The following FRMD4A variants were observed in gnomAD, a reference collection of about 807,000 sequenced individuals.
The protein encoded by FRMD4A is FERM domain containing 4A.
FRMD4A carries 29 observed loss-of-function variants against 129.1 expected under a neutral mutation model. The ratio of observed to expected loss-of-function variants is 0.22; its 90% CI spans 0.17 to 0.31. FRMD4A has a LOEUF of 0.31. FRMD4A is among the 10% of genes least tolerant of loss of function. FRMD4A has a pLI of 1.00. For synonymous variants in FRMD4A, 634 were observed against 571.6 expected, an observed-to-expected ratio of 1.11 and a Z score of -1.56; for missense variants, 1,272 against 1,375.8, an observed-to-expected ratio of 0.92 and a Z score of 1.19.
chr10:13,815,680 C>T (rs1018474338), intron 3 of FRMD4A, among the ~76,000 whole-genome samples: 8 of 152,162 alleles, frequency 5.3e-5, no homozygotes, highest in African/African-American at 1.7e-4. Context: ...GGGTGAGAGC[C>T]TAAGGATCGT....
At chr10:14,131,868 C>T (rs377317821) in intron 2 of FRMD4A, among the ~76,000 whole-genome samples, 62 of 152,254 alleles carry the variant, frequency 4.1e-4, no homozygotes, top group African/African-American at 1.4e-3. Context: ...CACACAAGGA[C>T]CTCTTCATCC....
intron 2 of FRMD4A, among the ~76,000 whole-genome samples, chr10:14,102,558 C>T (rs540954582): frequency 2.5e-4 from 38 of 152,200 alleles, no homozygotes; most frequent in African/African-American, 9.2e-4. Flanking sequence ...AGAACCAAGC[C>T]GACCTCCCAC....
chr10:13,972,031 C>G (rs2095521630), intron 2 of FRMD4A: 1 of 1,167,400 alleles, frequency 8.6e-7, no homozygotes. Context: ...GCTCTTAACT[C>G]CCTCCCAAAG....
chr10:13,652,443 C>G (rs10752313), intron 23 of FRMD4A: 131,756 of 166,840 alleles, frequency 0.79, 52,428 homozygotes, highest in East Asian at 0.84. Flanking sequence ...GTTGGAAGAT[C>G]TAGAGAGGGA....
At chr10:14,066,008 T>TGTGTGTGTGTGTGTGTGTGTG (rs1588899002) in intron 2 of FRMD4A, among the ~76,000 whole-genome samples, 5 of 139,222 alleles carry the variant, frequency 3.6e-5, no homozygotes, top group African/African-American at 1.3e-4. Flanking sequence ...GGGTATGTAT[T>TGTGTGTGTGTGTGTGTGTGTG]TGTGTGTGTG....
chr10:14,002,546 A>G (rs2095646387), intron 2 of FRMD4A, among the ~76,000 whole-genome samples: 1 of 152,186 alleles, frequency 6.6e-6, no homozygotes, highest in African/African-American at 2.4e-5. Flanking sequence ...ATGAACTTTT[A>G]GATTTCATTC....
Position 14,138,715 on chromosome 10 carries a change from G to A in FRMD4A, c.45+191343C>T, listed in dbSNP as rs11258891. On this transcript the variant is annotated intron_variant, in intron 2 of 24. Transcript: ENST00000357447. ...GTGGAGGTTGCAGTGAGCCGAGATC[G>A]CACCACTGCACTCCAGCCTGGGCGA... Among the ~76,000 whole-genome samples, 19 of 151,268 alleles carry A rather than the reference G, an allele frequency of 1.3e-4. No individual in the cohort carries two copies. In the East Asian group the frequency reaches 2.7e-3, roughly 22 times the overall value.
At position 13,670,641 on chromosome 10, in the gene FRMD4A, C is replaced by T. The variant is rs1391564360; in HGVS notation, c.1252-113G>A. 6.3e-5 allele frequency: 60 copies of T among 956,186 alleles called. 1 individual carries two copies. The highest frequency in any genetic ancestry group is 3.4e-4 in the East Asian group (13 of 38,534). 59.2% of individuals were successfully genotyped at this position (956,186 alleles called of 1,614,324 possible). ...CACACAAAAATGCACGCATGCACTT[C>T]GATACAGGTCAACGCTTATGCTAGA... is the stretch of plus-strand genomic sequence containing the variant. On this transcript the variant is annotated intron_variant, in intron 16 of 24. Transcript: ENST00000357447.
At chr10:13,789,122 T>C (rs1370301299) in intron 5 of FRMD4A, among the ~76,000 whole-genome samples, 1 of 102,614 alleles carries the variant, frequency 9.7e-6, no homozygotes, top group Non-Finnish European at 2.5e-5. Context: ...GCTGTGAGTT[T>C]CTGCAGCCAA....
intron 2 of FRMD4A, among the ~76,000 whole-genome samples, chr10:14,135,601 T>C (rs1474453308): frequency 6.6e-6 from 1 of 152,192 alleles, no homozygotes; most frequent in African/African-American, 2.4e-5. Context: ...TCAAGAGGCA[T>C]AGGGGTTCAC....
At chr10:13,996,986 GCAAAACAAAACAAAACAAAA>G (rs55648919) in intron 2 of FRMD4A, among the ~76,000 whole-genome samples, 19 of 149,524 alleles carry the variant, frequency 1.3e-4, no homozygotes, top group Admixed American at 3.3e-4. Context: ...AAAAATTGAG[GCAAAACAAAACAAAACAAAA>G]CAAAACAAAA....
chr10:13,766,642 C>T (rs865806316), intron 6 of FRMD4A, among the ~76,000 whole-genome samples: 15 of 152,234 alleles, frequency 9.9e-5, no homozygotes, highest in Middle Eastern at 3.4e-3. Flanking sequence ...TGCCCAATTC[C>T]CCAATGTCAC....
chr10:14,017,783 G>T (rs376378817), intron 2 of FRMD4A, among the ~76,000 whole-genome samples: 18 of 152,316 alleles, frequency 1.2e-4, no homozygotes, highest in African/African-American at 4.3e-4. Flanking sequence ...GATGAGTCAC[G>T]TGGTATATTT....
rs368786849 is a variant in FRMD4A, at chr10:14,235,685, G to A, written c.45+94373C>T. ...GGCTTCCCACCAGTGACTCTCCAGCGGCTTAAGACAGCTGCGCCGTTGCAG... is the reference window on the plus strand; with the variant it reads ...GGCTTCCCACCAGTGACTCTCCAGCAGCTTAAGACAGCTGCGCCGTTGCAG... On this transcript the variant is annotated intron_variant, in intron 2 of 24. Transcript: ENST00000357447. Among the ~76,000 whole-genome samples, 48 of 152,318 alleles carry A rather than the reference G, an allele frequency of 3.2e-4. 1 individual carries two copies. In the South Asian group the frequency reaches 9.5e-3, roughly 30 times the overall value.
chr10:13,739,177 T>C (rs1244980540), intron 11 of FRMD4A, among the ~76,000 whole-genome samples: 7 of 152,222 alleles, frequency 4.6e-5, no homozygotes, highest in Non-Finnish European at 1.0e-4. Flanking sequence ...AGCAAAAAGA[T>C]GAAAGGCAAA....
rs544180603 is a variant in FRMD4A at position 14,172,529 on chromosome 10, G to A, written c.45+157529C>T. 3.3e-5 allele frequency among the ~76,000 whole-genome samples: 5 copies of A among 152,292 alleles called. 1 individual carries two copies. The highest frequency in any genetic ancestry group is 4.1e-4 in the South Asian group (2 of 4,820). The stretch of plus-strand genomic sequence containing the variant: ...TTCGAAGTCTACGAGAGTTGTACTC[G>A]CGTGAGGTTAGGAGCTCGGATCCAC... On this transcript the variant is annotated intron_variant, in intron 2 of 24. Coordinates refer to ENST00000357447, the MANE Select transcript of FRMD4A (RefSeq NM_018027.5).
chr10:13,996,492 C>T (rs975479245), intron 2 of FRMD4A, among the ~76,000 whole-genome samples: 9 of 152,176 alleles, frequency 5.9e-5, no homozygotes, highest in African/African-American at 1.4e-4. Context: ...GGCACAGACT[C>T]GTGGGAGGGC....
At chr10:13,950,122 A>C (rs2095361458) in intron 2 of FRMD4A, among the ~76,000 whole-genome samples, 1 of 152,216 alleles carries the variant, frequency 6.6e-6, no homozygotes, top group Non-Finnish European at 1.5e-5. Flanking sequence ...TCTCCTCCAC[A>C]CACAGCTGGT....
chr10:13,815,571 A>T (rs2093528787), intron 3 of FRMD4A, among the ~76,000 whole-genome samples: 1 of 152,160 alleles, frequency 6.6e-6, no homozygotes, highest in African/African-American at 2.4e-5. Flanking sequence ...ATTTTGACAC[A>T]ATTAAAAAAA....
Sources: gnomAD v4.1 joint callset for allele counts (sites outside exome capture counted in the v4.1 genomes callset) on GRCh38, gnomAD v4.1.1 for gene constraint, MANE v1.5 for transcripts, NCBI Gene and HGNC (gene_info 2026-07-23, HGNC 2026-07-21) for gene names.